Variants in FUT8 observed in about 807,000 individuals in gnomAD.
FUT8 encodes alpha-(1,6)-fucosyltransferase.
A neutral mutation model predicts 71.3 loss-of-function variants in FUT8; 29 were observed. That is an observed-to-expected ratio of 0.41 (90% CI 0.30 to 0.55). The LOEUF (loss-of-function observed/expected upper bound fraction) is 0.55, where lower values mean the gene tolerates loss of function less well. Ranked by LOEUF, FUT8 falls within the 20% of genes least tolerant of loss-of-function variation. FUT8 has a pLI of 0.34. For missense variants in FUT8, 544 were observed against 702.1 expected (o/e 0.77, Z 2.55); for synonymous variants, 254 against 239.3 (o/e 1.06, Z -0.57).
At chr14:65,636,390 G>T (rs1890557729) in intron 6 of FUT8, 1 of 151,790 alleles carries the variant, frequency 6.6e-6, no homozygotes, top group South Asian at 2.1e-4. Flanking sequence ...GCTGGGTTTG[G>T]GTTTGGTTTG....
At position 65,707,647 on chromosome 14, in the gene FUT8, A is replaced by T. The variant is rs183201432; in HGVS notation, c.836-14128A>T. ...ATCTTAAAGTCTTATAACCATTTTG[A>T]GTTGATTTTTATATATAGTATAAAA... is the stretch of plus-strand genomic sequence containing the variant. On this transcript the variant is annotated intron_variant, in intron 7 of 10. Transcript: ENST00000673929. 1.4e-4 allele frequency among the ~76,000 whole-genome samples: 22 copies of T among 152,174 alleles called. No homozygotes were observed. In the East Asian group the frequency reaches 2.5e-3, roughly 17 times the overall value.
intron 2 of FUT8, among the ~76,000 whole-genome samples, chr14:65,525,594 C>T (rs1883404958): frequency 6.6e-6 from 1 of 152,018 alleles, no homozygotes; most frequent in Non-Finnish European, 1.5e-5. Flanking sequence ...TATTTCTTGC[C>T]TTCTGCTAGC....
At chr14:65,616,520 AG>A in intron 5 of FUT8, 147 bp downstream of exon 5, 2 of 611,288 alleles carry the variant, frequency 3.3e-6, no homozygotes. Context: ...GAGGTCCCAA[AG>A]GATGGTAATT....
At position 65,561,719 on chromosome 14, in the gene FUT8, C is replaced by A; in HGVS notation, c.156C>A (p.Arg52=). ...ELSKILAKLE[R]LKQQNEDLRR... The stretch of plus-strand genomic sequence containing the variant: ...CCAAGATTCTGGCAAAGCTTGAACG[C>A]TTAAAACAACAGAATGAAGACTTGA... Residue 52 remains arginine (R), a synonymous_variant, in exon 3 of 11, where the codon CGC becomes CGA. Coordinates refer to ENST00000673929, the MANE Select transcript of FUT8 (RefSeq NM_001371533.1). 1 of 1,613,556 alleles carries A rather than the reference C, an allele frequency of 6.2e-7. No homozygotes were observed. The highest frequency in any genetic ancestry group is 1.7e-5 in the Admixed American group (1 of 59,950).
Position 65,669,403 on chromosome 14 carries a change from G to A in FUT8, c.758G>A (p.Gly253Asp), listed in dbSNP as rs1892369782. ...LESQNWRYAT[G>D]GWETVFRPVS... ...TCTCAGAATTGGCGCTATGCTACTG[G>A]TGGATGGGAGACTGTATTTAGGCCT... The change falls in exon 7 of 11, where the codon GGT (glycine) becomes GAT (aspartate). Residue 253 changes from glycine (G) to aspartate (D), a missense_variant. Physicochemically the swap from Gly to Asp is moderately conservative, Grantham distance 94. Transcript: ENST00000673929. This position sits in a 1 kb window ranked among gnomAD's most constrained non-coding sequence, Gnocchi z 4.5. 2.5e-6 allele frequency: 4 copies of A among 1,613,768 alleles called. No homozygotes were observed. Among genetic ancestry groups the A allele is most frequent in the Non-Finnish European group, 3.4e-6 (4 of 1,179,822 alleles).
intron 7 of FUT8, among the ~76,000 whole-genome samples, chr14:65,707,826 G>A (rs752761014): frequency 6.6e-6 from 1 of 152,100 alleles, no homozygotes; most frequent in African/African-American, 2.4e-5. Flanking sequence ...TCCATTGGTC[G>A]ATATGTCTGT....
At chr14:65,381,788 G>A in the FUT8 span, among the ~76,000 whole-genome samples, 1,484 of 152,142 alleles carry the variant, frequency 9.8e-3, 24 homozygotes, top group African/African-American at 0.034. Context: ...GTGTATCTTC[G>A]TTCTCTCTTC....
At chr14:65,485,126 C>G (rs947045700) in intron 2 of FUT8, among the ~76,000 whole-genome samples, 1 of 151,824 alleles carries the variant, frequency 6.6e-6, no homozygotes, top group Non-Finnish European at 1.5e-5. Flanking sequence ...TGCTTGAGCC[C>G]AGGTATTCAG....
intron 3 of FUT8, among the ~76,000 whole-genome samples, chr14:65,565,965 TAAA>T (rs764533061): frequency 6.6e-6 from 1 of 151,690 alleles, no homozygotes; most frequent in African/African-American, 2.4e-5. Flanking sequence ...TATAATATAA[TAAA>T]AAACAAAAAC....
intron 1 of FUT8, among the ~76,000 whole-genome samples, chr14:65,447,522 A>G (rs989288642): frequency 5.3e-5 from 8 of 152,106 alleles, no homozygotes; most frequent in African/African-American, 1.9e-4. Flanking sequence ...AAAAGATTAA[A>G]ACAATTTTTT....
intron 6 of FUT8, among the ~76,000 whole-genome samples, chr14:65,644,295 A>G (rs2140305018): frequency 6.6e-6 from 1 of 151,696 alleles, no homozygotes; most frequent in South Asian, 2.1e-4. Context: ...TTATATATAT[A>G]TATTTTTTTT....
chr14:65,670,078 G>A (rs1415111589), intron 7 of FUT8, among the ~76,000 whole-genome samples: 2 of 152,200 alleles, frequency 1.3e-5, no homozygotes, highest in Admixed American at 6.5e-5. Context: ...AACATTTAAT[G>A]AATAGTAATG....
At chr14:65,365,599 C>T in the FUT8 span, among the ~76,000 whole-genome samples, 1 of 151,858 alleles carries the variant, frequency 6.6e-6, no homozygotes, top group African/African-American at 2.4e-5. Context: ...ACCACCAAAA[C>T]CAAGATGGTG....
At chr14:65,628,818 A>C (rs1890025962) in intron 5 of FUT8, among the ~76,000 whole-genome samples, 1 of 152,228 alleles carries the variant, frequency 6.6e-6, no homozygotes, top group Non-Finnish European at 1.5e-5. Context: ...GACTCAGCAA[A>C]TTATGGCCCA....
chr14:65,409,871 T>C (rs1219265364), upstream of FUT8, among the ~76,000 whole-genome samples: 1 of 152,194 alleles, frequency 6.6e-6, no homozygotes, highest in East Asian at 1.9e-4. This position sits in a 1 kb window ranked among gnomAD's most constrained non-coding sequence, Gnocchi z 5.4. Context: ...TCTTTAACTT[T>C]TGGGATAAGC....
rs1249305288 is a variant in FUT8 at position 65,643,647 on chromosome 14, C to T, written c.597+14041C>T. On this transcript the variant is annotated intron_variant, in intron 6 of 10. Coordinates refer to ENST00000673929, the MANE Select transcript of FUT8 (RefSeq NM_001371533.1). This position sits in a 1 kb window ranked among gnomAD's most constrained non-coding sequence, Gnocchi z 4.5. The stretch of plus-strand genomic sequence containing the variant: ...GCAGCCTGGGCGACAGAGCGAGACT[C>T]CGTCTTTAAAAAAAAAATACACACA... Among the ~76,000 whole-genome samples the T allele has an allele frequency of 2.4e-5, 3 of 126,954 alleles. No homozygotes were observed. The highest frequency in any genetic ancestry group is 8.7e-5 in the African/African-American group (3 of 34,354). The allele number at this position is 126,954 out of a possible 152,430, so 83.3% of individuals were successfully genotyped here.
intron 2 of FUT8, among the ~76,000 whole-genome samples, chr14:65,484,893 C>G (rs1403576024): frequency 6.6e-6 from 1 of 151,834 alleles, no homozygotes; most frequent in Non-Finnish European, 1.5e-5. Context: ...TTTCCAAGTT[C>G]ATGGATTTTT....
intron 10 of FUT8, 133 bp from the exon 11 acceptor site, chr14:65,741,960 G>C: frequency 7.6e-6 from 5 of 654,470 alleles, no homozygotes; most frequent in Non-Finnish European, 1.3e-5. Flanking sequence ...CAAATGGACT[G>C]AAAGCTTGTG....
the FUT8 span, among the ~76,000 whole-genome samples, chr14:65,358,467 CATTATT>C: frequency 1.3e-5 from 2 of 151,750 alleles, no homozygotes; most frequent in Admixed American, 1.3e-4. Context: ...ACTTTTTTTA[CATTATT>C]ATTATTATTA....
Sources: allele counts gnomAD v4.1 joint callset (sites outside exome capture counted in the v4.1 genomes callset), GRCh38; gene constraint gnomAD v4.1.1; non-coding constraint Gnocchi (gnomAD v3.1); transcripts MANE v1.5; gene names NCBI Gene and HGNC (gene_info 2026-07-23, HGNC 2026-07-21).